ENOX2: variants seen among roughly 807,000 people sequenced by gnomAD.
ENOX2 encodes the protein ecto-NOX disulfide-thiol exchanger 2.
Under a neutral mutation model 45.0 loss-of-function variants are expected in ENOX2, and 36 were observed. The observed-to-expected ratio is 0.80, with a 90% CI of 0.61 to 1.06. ENOX2 has a LOEUF of 1.06. Ranked by LOEUF, ENOX2 falls within the 50% of genes least tolerant of loss-of-function variation. The pLI, the probability that ENOX2 is intolerant of heterozygous loss-of-function variation, is 0.00. For synonymous variants in ENOX2, 174 were observed against 152.3 expected, an observed-to-expected ratio of 1.14 and a Z score of -1.05; for missense variants, 423 against 462.5, an observed-to-expected ratio of 0.91 and a Z score of 0.78.
At chrX:130,750,014 G>A (rs1395205132) in intron 3 of ENOX2, among the ~76,000 whole-genome samples, 1 of 110,162 alleles carries the variant, frequency 9.1e-6, no homozygotes, top group East Asian at 2.9e-4. Flanking sequence ...TGCTCAGTCA[G>A]TGTCTTTCTT....
intron 3 of ENOX2, chrX:130,709,339 A>C (rs1381405455): frequency 8.3e-6 from 9 of 1,086,995 alleles, no homozygotes; most frequent in Non-Finnish European, 1.0e-5. Flanking sequence ...TTTCTGCAGA[A>C]AGAAGATAGT....
intron 10 of ENOX2, among the ~76,000 whole-genome samples, chrX:130,649,043 CAAAAAAAA>C (rs35154919): frequency 0.028 from 192 of 6,756 alleles, no homozygotes; most frequent in African/African-American, 0.058. Flanking sequence ...GACTCCATAT[CAAAAAAAA>C]AAAAAAAAAA....
chrX:130,840,774 G>C (rs994744368), intron 2 of ENOX2, among the ~76,000 whole-genome samples: 4 of 110,779 alleles, frequency 3.6e-5, no homozygotes, highest in Non-Finnish European at 7.5e-5. Context: ...AGCTGAGGTA[G>C]AAGGATTGCT....
intron 5 of ENOX2, among the ~76,000 whole-genome samples, chrX:130,682,366 C>T (rs760990709): frequency 1.0e-3 from 109 of 108,625 alleles, no homozygotes; most frequent in Middle Eastern, 4.6e-3. Context: ...GGGCGGATCA[C>T]GAGGTCAGGA....
rs190498605 is a variant in ENOX2, at chrX:130,670,626, C to G, written c.461-428G>C. On this transcript the variant is annotated intron_variant, in intron 6 of 14. Transcript: ENST00000394363. ...AATAAATTCAAGAGTGTCCATTATA[C>G]TATCACAAAGATTTTGGTAAAACTT... Among the ~76,000 whole-genome samples the G allele has an allele frequency of 3.9e-3, 428 of 109,941 alleles. 1 individual carries two copies. The highest frequency in any genetic ancestry group is 0.014 in the African/African-American group (415 of 30,139).
At chrX:130,724,047 T>C (rs1025477755) in intron 3 of ENOX2, among the ~76,000 whole-genome samples, 7 of 112,350 alleles carry the variant, frequency 6.2e-5, no homozygotes, top group Non-Finnish European at 9.4e-5. Flanking sequence ...GCTGACAGTA[T>C]TGTAACACCT....
rs369531169 is a variant in ENOX2 at position 130,637,256 on chromosome X, C to T, written c.1284G>A (p.Leu428=). ...DPNKEQQLKL[L]QQALQGMQQH... ...GTTGCATTCCTTGCAGGGCTTGTTGCAGGAGTTTCAGCTGCTGTTCTTTGT... is the reference window on the plus strand; with the variant it reads ...GTTGCATTCCTTGCAGGGCTTGTTGTAGGAGTTTCAGCTGCTGTTCTTTGT... Residue 428 remains leucine (L), a synonymous_variant, in exon 11 of 15, where the codon CTG becomes CTA. Transcript: ENST00000394363. 5.0e-6 allele frequency: 6 copies of T among 1,209,497 alleles called. No individual in the cohort carries two copies. In the African/African-American group the frequency reaches 1.1e-4, roughly 21 times the overall value.
At chrX:130,740,785 T>C (rs747254003) in intron 3 of ENOX2, among the ~76,000 whole-genome samples, 12 of 112,300 alleles carry the variant, frequency 1.1e-4, no homozygotes, top group African/African-American at 3.9e-4. Flanking sequence ...TTCTGTTCAC[T>C]TATGAATAAA....
intron 4 of ENOX2, among the ~76,000 whole-genome samples, chrX:130,694,942 C>T (rs775579467): frequency 4.5e-5 from 5 of 111,493 alleles, no homozygotes; most frequent in Non-Finnish European, 7.5e-5. Flanking sequence ...GTTTTATACA[C>T]TGCATCTGAC....
At chrX:130,754,060 T>G (rs985642133) in intron 3 of ENOX2, among the ~76,000 whole-genome samples, 4 of 112,227 alleles carry the variant, frequency 3.6e-5, no homozygotes, top group African/African-American at 1.3e-4. Context: ...TTTTGAATAT[T>G]ATTAACACAA....
intron 5 of ENOX2, 62 bp from the exon 6 acceptor site, chrX:130,679,810 A>G: frequency 1.1e-6 from 1 of 905,252 alleles, no homozygotes; most frequent in Non-Finnish European, 1.6e-6. Flanking sequence ...ACCTCTTCGA[A>G]ATCTAACATT....
chrX:130,823,431 C>T (rs1569506035), intron 2 of ENOX2, among the ~76,000 whole-genome samples: 2 of 110,902 alleles, frequency 1.8e-5, no homozygotes, highest in Non-Finnish European at 3.8e-5. Context: ...GCTTTCACTG[C>T]AAAATCAGAG....
chrX:130,826,973 C>A (rs1469281119), intron 2 of ENOX2, among the ~76,000 whole-genome samples: 1 of 111,529 alleles, frequency 9.0e-6, no homozygotes, highest in African/African-American at 3.3e-5. Flanking sequence ...AATGCAGAAA[C>A]TTGTTAAAAG....
intron 3 of ENOX2, among the ~76,000 whole-genome samples, chrX:130,751,928 TGAGTTGTAA>T (rs906252452): frequency 6.4e-4 from 72 of 112,004 alleles, no homozygotes; most frequent in Non-Finnish European, 1.2e-3. Context: ...TTTTTGTTGT[TGAGTTGTAA>T]GAGTCCTTTA....
At chrX:130,835,800 CTGAAA>C (rs1259057350) in intron 2 of ENOX2, among the ~76,000 whole-genome samples, 3 of 111,757 alleles carry the variant, frequency 2.7e-5, no homozygotes, top group Admixed American at 9.5e-5. Context: ...TATTACTCTA[CTGAAA>C]TAAGTTATGT....
intron 3 of ENOX2, among the ~76,000 whole-genome samples, chrX:130,746,884 C>T (rs1043921304): frequency 8.9e-6 from 1 of 112,458 alleles, no homozygotes; most frequent in African/African-American, 3.2e-5. Flanking sequence ...TCCATCATAA[C>T]AGGACAGCTA....
chrX:130,705,848 C>T (rs1317846181), intron 3 of ENOX2, among the ~76,000 whole-genome samples: 1 of 111,490 alleles, frequency 9.0e-6, no homozygotes, highest in East Asian at 2.8e-4. Flanking sequence ...ATCTATGAGG[C>T]GGGAAGCACA....
chrX:130,669,214 C>A (rs1224061331), intron 7 of ENOX2, among the ~76,000 whole-genome samples: 1 of 111,652 alleles, frequency 9.0e-6, no homozygotes, highest in Non-Finnish European at 1.9e-5. Context: ...AGCATTCATC[C>A]AATAAAATCA....
intron 3 of ENOX2, among the ~76,000 whole-genome samples, chrX:130,707,528 A>G (rs990059379): frequency 7.2e-5 from 8 of 110,709 alleles, no homozygotes; most frequent in African/African-American, 2.6e-4. Flanking sequence ...ACACACACAC[A>G]CACACACACA....
Sources: gnomAD v4.1 joint callset for allele counts (sites outside exome capture counted in the v4.1 genomes callset) on GRCh38, gnomAD v4.1.1 for gene constraint, MANE v1.5 for transcripts, NCBI Gene and HGNC (gene_info 2026-07-23, HGNC 2026-07-21) for gene names.